Variants in L3MBTL4 observed in about 807,000 individuals in gnomAD.
L3MBTL4 encodes the protein lethal(3)malignant brain tumor-like protein 4.
Under a neutral mutation model 84.5 loss-of-function variants are expected in L3MBTL4, and 70 were observed. The ratio of observed to expected loss-of-function variants is 0.83; its 90% CI spans 0.68 to 1.01. The LOEUF (loss-of-function observed/expected upper bound fraction) is 1.01, where lower values mean the gene tolerates loss of function less well. Ranked by LOEUF, L3MBTL4 falls within the 50% of genes least tolerant of loss-of-function variation. The pLI is 0.00. For synonymous variants in L3MBTL4, 274 were observed against 259.8 expected, an observed-to-expected ratio of 1.05 and a Z score of -0.52; for missense variants, 715 against 754.8, an observed-to-expected ratio of 0.95 and a Z score of 0.62.
chr18:6,094,420 T>C (rs2058563777), intron 14 of L3MBTL4, among the ~76,000 whole-genome samples: 1 of 152,136 alleles, frequency 6.6e-6, no homozygotes, highest in Admixed American at 6.5e-5. Context: ...ATCCAACTCA[T>C]AAGGGTTAGT....
chr18:6,061,823 A>C (rs569302917), intron 16 of L3MBTL4, among the ~76,000 whole-genome samples: 2 of 151,996 alleles, frequency 1.3e-5, no homozygotes, highest in South Asian at 4.2e-4. Context: ...TGAAGTTTGC[A>C]CTATACACTT....
chr18:6,206,628 CCTA>C (rs1205944091), intron 12 of L3MBTL4, among the ~76,000 whole-genome samples: 1 of 152,052 alleles, frequency 6.6e-6, no homozygotes, highest in Non-Finnish European at 1.5e-5. Flanking sequence ...AAGGTAAGTC[CCTA>C]CTACAGTTCT....
chr18:6,363,052 T>G (rs2053778850), intron 1 of L3MBTL4, among the ~76,000 whole-genome samples: 1 of 152,204 alleles, frequency 6.6e-6, no homozygotes, highest in Admixed American at 6.5e-5. Context: ...CTATGAACTC[T>G]GACAGAGATA....
chr18:5,960,493 T>A (rs1272875853), intron 17 of L3MBTL4: 1 of 160,776 alleles, frequency 6.2e-6, no homozygotes, highest in Non-Finnish European at 1.4e-5. Context: ...CCAGTGGTCT[T>A]GTGCAGCAGT....
At position 5,994,451 on chromosome 18, in the gene L3MBTL4, T is replaced by C. The variant is rs1307927962; in HGVS notation, c.1445-24889A>G. 2.0e-5 allele frequency among the ~76,000 whole-genome samples: 3 copies of C among 152,262 alleles called. No homozygotes were observed. In the East Asian group the frequency reaches 5.8e-4, roughly 29 times the overall value. On this transcript the variant is annotated intron_variant, in intron 16 of 18. Coordinates refer to ENST00000317931, the MANE Select transcript of L3MBTL4 (RefSeq NM_001330559.2). ...ATGGCACTTACTATGTACCTGCCAC[T>C]TCTTGTTCTAATTTTTCCAAATATC...
intron 6 of L3MBTL4, 127 bp from the exon 7 acceptor site, chr18:6,243,556 T>C (rs1043815261): frequency 4.7e-5 from 32 of 675,634 alleles, no homozygotes; most frequent in Middle Eastern, 4.0e-4. Flanking sequence ...TCTATCCAAA[T>C]GTTTCCATTA....
At chr18:6,285,224 C>T (rs1293199305) in intron 4 of L3MBTL4, among the ~76,000 whole-genome samples, 3 of 152,150 alleles carry the variant, frequency 2.0e-5, no homozygotes, top group Non-Finnish European at 2.9e-5. Flanking sequence ...GATGAGGTGG[C>T]CATGGATGCC....
intron 12 of L3MBTL4, among the ~76,000 whole-genome samples, chr18:6,192,186 CA>C (rs1210590029): frequency 6.6e-6 from 1 of 152,006 alleles, no homozygotes; most frequent in Non-Finnish European, 1.5e-5. Flanking sequence ...ACAGCTCTTT[CA>C]AAGAGGTCTC....
intron 12 of L3MBTL4, among the ~76,000 whole-genome samples, chr18:6,198,960 T>C (rs1229491550): frequency 6.6e-6 from 1 of 152,226 alleles, no homozygotes; most frequent in African/African-American, 2.4e-5. Flanking sequence ...CGGAAATTAA[T>C]CATTATGTAA....
intron 16 of L3MBTL4, among the ~76,000 whole-genome samples, chr18:6,016,769 C>T (rs1002645876): frequency 5.9e-5 from 9 of 152,146 alleles, no homozygotes; most frequent in South Asian, 4.1e-4. Flanking sequence ...CCCCTGACTT[C>T]GTTTTAGGAG....
intron 12 of L3MBTL4, among the ~76,000 whole-genome samples, chr18:6,196,844 C>G (rs1027149187): frequency 6.6e-6 from 1 of 152,194 alleles, no homozygotes; most frequent in East Asian, 1.9e-4. Context: ...TGTAGCCAGA[C>G]CCATGTCCTC....
At chr18:6,098,898 T>A (rs9965160) in intron 14 of L3MBTL4, among the ~76,000 whole-genome samples, 35,581 of 151,450 alleles carry the variant, frequency 0.23, 6,388 homozygotes, top group African/African-American at 0.51. Context: ...TATGAAGGAG[T>A]AGGTAGGAGG....
intron 14 of L3MBTL4, among the ~76,000 whole-genome samples, chr18:6,121,630 G>A (rs1342646872): frequency 6.7e-6 from 1 of 150,140 alleles, no homozygotes; most frequent in Non-Finnish European, 1.5e-5. Flanking sequence ...AGACATTCAA[G>A]TAGATTCTTT....
intron 12 of L3MBTL4, among the ~76,000 whole-genome samples, chr18:6,181,518 G>A (rs888357316): frequency 5.3e-5 from 8 of 151,646 alleles, no homozygotes; most frequent in Non-Finnish European, 7.4e-5. Context: ...TTAGTAGAGT[G>A]GGGGTTTCAA....
intron 3 of L3MBTL4, among the ~76,000 whole-genome samples, chr18:6,303,783 C>T (rs535629878): frequency 4.5e-4 from 69 of 152,038 alleles, no homozygotes; most frequent in Middle Eastern, 3.4e-3. Context: ...AAGGCTGACG[C>T]GGGAGGATCA....
chr18:6,028,587 C>T (rs1284790500), intron 16 of L3MBTL4, among the ~76,000 whole-genome samples: 2 of 152,142 alleles, frequency 1.3e-5, no homozygotes, highest in Admixed American at 6.5e-5. Flanking sequence ...TCAATGGTAG[C>T]TTAATGGGAA....
In L3MBTL4 at chr18:5,993,890, T is replaced by C. The variant is rs548363946; in HGVS notation, c.1445-24328A>G. Among the ~76,000 whole-genome samples the C allele has an allele frequency of 1.2e-4, 19 of 152,238 alleles. No individual in the cohort carries two copies. In the South Asian group the frequency reaches 3.9e-3, roughly 32 times the overall value. The stretch of plus-strand genomic sequence containing the variant: ...TCTTTCTGGGTAAAGTTAAAAAAAA[T>C]ACATGTTTTTGCACTAAGTTTTAGA... On this transcript the variant is annotated intron_variant, in intron 16 of 18. Coordinates refer to ENST00000317931, the MANE Select transcript of L3MBTL4 (RefSeq NM_001330559.2).
At chr18:5,958,501 C>T (rs1176262034) in intron 18 of L3MBTL4, among the ~76,000 whole-genome samples, 1 of 152,142 alleles carries the variant, frequency 6.6e-6, no homozygotes, top group African/African-American at 2.4e-5. Flanking sequence ...ATGGTGACAA[C>T]AACAGCTAAC....
At chr18:5,987,133 C>A (rs2053496080) in intron 16 of L3MBTL4, among the ~76,000 whole-genome samples, 3 of 152,202 alleles carry the variant, frequency 2.0e-5, no homozygotes, top group Non-Finnish European at 4.4e-5. Flanking sequence ...CAAGGAGCAG[C>A]TGCCTCATCA....
Sources: gnomAD v4.1 joint callset for allele counts (sites outside exome capture counted in the v4.1 genomes callset) on GRCh38, gnomAD v4.1.1 for gene constraint, MANE v1.5 for transcripts, NCBI Gene and HGNC (gene_info 2026-07-23, HGNC 2026-07-21) for gene names.